The following ANO4 variants were observed in gnomAD, a reference collection of about 807,000 sequenced individuals.
ANO4 encodes the protein anoctamin-4.
ANO4 carries 69 observed loss-of-function variants against 141.9 expected under a neutral mutation model. That is an observed-to-expected ratio of 0.49 (90% CI 0.40 to 0.59). ANO4 has a LOEUF of 0.59. Ranked by LOEUF, ANO4 falls within the 20% of genes least tolerant of loss-of-function variation. The probability of loss-of-function intolerance (pLI) is 0.00; values close to 1 mark genes in which losing one functional copy is unlikely to be tolerated. For missense variants in ANO4, 894 were observed against 1,162.2 expected (o/e 0.77, Z 3.36); for synonymous variants, 350 against 394.3 (o/e 0.89, Z 1.33).
chr12:101,085,011 A>G (rs982142697), intron 16 of ANO4, among the ~76,000 whole-genome samples: 1 of 152,204 alleles, frequency 6.6e-6, no homozygotes, highest in African/African-American at 2.4e-5. Context: ...ACAGCACTAC[A>G]ATTAAGATCT....
chr12:101,100,169 TG>T (rs1384543556), intron 22 of ANO4, among the ~76,000 whole-genome samples: 1 of 152,216 alleles, frequency 6.6e-6, no homozygotes, highest in Non-Finnish European at 1.5e-5. Context: ...ACTTGGTACA[TG>T]TTACTTATAT....
chr12:100,959,965 G>A (rs189509587), intron 5 of ANO4, among the ~76,000 whole-genome samples: 18 of 152,236 alleles, frequency 1.2e-4, no homozygotes, highest in Admixed American at 1.2e-3. Flanking sequence ...GGCAGAAGTG[G>A]AGGAGGAGGA....
intron 1 of ANO4, among the ~76,000 whole-genome samples, chr12:100,819,942 G>A (rs909616735): frequency 1.3e-5 from 2 of 151,862 alleles, no homozygotes; most frequent in African/African-American, 4.8e-5. Flanking sequence ...AAGTTCCTTA[G>A]TTGTTGGGGC....
intron 1 of ANO4, among the ~76,000 whole-genome samples, chr12:100,896,658 A>G (rs1191392757): frequency 6.6e-6 from 1 of 152,194 alleles, no homozygotes; most frequent in Non-Finnish European, 1.5e-5. Context: ...TAATATACCC[A>G]CCTTTGGGAA....
intron 7 of ANO4, among the ~76,000 whole-genome samples, chr12:100,982,446 G>T (rs2044510001): frequency 6.6e-6 from 1 of 152,180 alleles, no homozygotes; most frequent in Admixed American, 6.5e-5. Context: ...ACTATTTAGG[G>T]ATGTTTATTA....
intron 9 of ANO4, among the ~76,000 whole-genome samples, chr12:101,034,407 A>G (rs761069055): frequency 6.6e-6 from 1 of 152,186 alleles, no homozygotes; most frequent in Non-Finnish European, 1.5e-5. Context: ...CAAACACTGC[A>G]TGCCCTCACT....
At chr12:101,042,752 T>C (rs1315509799) in intron 12 of ANO4, among the ~76,000 whole-genome samples, 1 of 151,828 alleles carries the variant, frequency 6.6e-6, no homozygotes, top group Non-Finnish European at 1.5e-5. Flanking sequence ...AAGTGCTCTC[T>C]TTTTTTACTT....
chr12:100,725,575 T>C (rs1424056502), intron 1 of ANO4, among the ~76,000 whole-genome samples: 7 of 152,078 alleles, frequency 4.6e-5, no homozygotes, highest in Non-Finnish European at 1.0e-4. Flanking sequence ...CTCAATCTCC[T>C]GACCTTGTGA....
rs749213271 is a variant in ANO4 at position 101,083,813 on chromosome 12, T to C, written c.1531T>C (p.Phe511Leu). Residue 511 changes from phenylalanine (F) to leucine (L), a missense_variant, in exon 16 of 28, where the codon TTT becomes CTT. Coordinates refer to ENST00000392977, the MANE Select transcript of ANO4 (RefSeq NM_001286615.2). ...RLIVSASGIF[F>L]MICVVIAAVF... Reference sequence around the variant, plus strand: ...TATCGTTTCTGCATCTGGAATATTTTTTATGGTTTGAAACTTTTAAAAAAA... The same window carrying C: ...TATCGTTTCTGCATCTGGAATATTTCTTATGGTTTGAAACTTTTAAAAAAA... The C allele has an allele frequency of 9.0e-6, 14 of 1,560,282 alleles. No individual in the cohort carries two copies. The South Asian group carries it at 1.7e-4, about 19-fold the overall frequency.
At chr12:101,115,374 GCC>G (rs1763954039) in intron 24 of ANO4, among the ~76,000 whole-genome samples, 1 of 152,026 alleles carries the variant, frequency 6.6e-6, no homozygotes, top group South Asian at 2.1e-4. Context: ...GATCGTTTGA[GCC>G]TGGGAGGTCA....
intron 1 of ANO4, among the ~76,000 whole-genome samples, chr12:100,890,018 T>G (rs1244876911): frequency 6.6e-6 from 1 of 152,186 alleles, no homozygotes; most frequent in Non-Finnish European, 1.5e-5. Context: ...TTAACAGTTA[T>G]TTTTCTAGTT....
At position 100,939,184 on chromosome 12, in the gene ANO4, A is replaced by G. The variant is rs969183867; in HGVS notation, c.161-131A>G. 4.4e-6 allele frequency: 4 copies of G among 914,036 alleles called. No individual in the cohort carries two copies. In the South Asian group the frequency reaches 6.4e-5, roughly 15 times the overall value. The allele number at this position is 914,036 out of a possible 1,614,324, so 56.6% of individuals were successfully genotyped here. ...ACATACTTTTCTTTTAGGAAATAAT[A>G]TGCTTGTCACTCAAGGAGTTAATGA... On this transcript the variant is annotated intron_variant, in intron 3 of 27. Coordinates refer to ENST00000392977, the MANE Select transcript of ANO4 (RefSeq NM_001286615.2).
At chr12:101,109,292 G>A (rs992018234) in intron 22 of ANO4, among the ~76,000 whole-genome samples, 2 of 152,164 alleles carry the variant, frequency 1.3e-5, no homozygotes, top group Non-Finnish European at 2.9e-5. Context: ...GCTGGGCACG[G>A]TGACTCACAC....
intron 1 of ANO4, among the ~76,000 whole-genome samples, chr12:100,725,335 ATTGGTATCTTTTTT>A (rs1275868812): frequency 6.9e-6 from 1 of 145,400 alleles, no homozygotes; most frequent in African/African-American, 2.5e-5. Flanking sequence ...TGTCAGGGAA[ATTGGTATCTTTTTT>A]TTTTTTTTTT....
In ANO4 at chr12:100,992,509, C is replaced by A. The variant is rs140543800; in HGVS notation, c.734+4839C>A. ...ATCCTCCAGAACTCAGCTCCAAAGA[C>A]TCCTGCTATGGAAGCCTCCCCTGAC... On this transcript the variant is annotated intron_variant, in intron 8 of 27. Coordinates refer to ENST00000392977, the MANE Select transcript of ANO4 (RefSeq NM_001286615.2). Among the ~76,000 whole-genome samples the A allele has an allele frequency of 1.8e-4, 27 of 152,324 alleles. No individual in the cohort carries two copies. In the East Asian group the frequency reaches 4.0e-3, roughly 23 times the overall value.
chr12:101,024,677 G>C (rs1422254754), intron 9 of ANO4, among the ~76,000 whole-genome samples: 2 of 152,034 alleles, frequency 1.3e-5, no homozygotes. Context: ...ATGTTTGAAA[G>C]TTATTGATGA....
At chr12:101,125,518 G>A (rs1024170586) in intron 26 of ANO4, among the ~76,000 whole-genome samples, 3 of 152,130 alleles carry the variant, frequency 2.0e-5, no homozygotes, top group Non-Finnish European at 4.4e-5. Flanking sequence ...AAAAGGAGTG[G>A]TAAGAGAGGG....
At chr12:101,025,334 T>C (rs1255057953) in intron 9 of ANO4, among the ~76,000 whole-genome samples, 2 of 152,106 alleles carry the variant, frequency 1.3e-5, no homozygotes, top group Non-Finnish European at 2.9e-5. Context: ...CCATGAAAAG[T>C]GAGAATGTAG....
Position 101,110,415 on chromosome 12 carries a change from G to T in ANO4, c.2161G>T (p.Gly721Ter). 1 of 1,604,756 alleles carries T rather than the reference G, an allele frequency of 6.2e-7. No homozygotes were observed. Residue 721 changes from glycine to a stop codon, truncating the protein, a stop_gained, in exon 23 of 28, where the codon GGA (glycine) becomes TGA (stop). Coordinates refer to ENST00000392977, the MANE Select transcript of ANO4 (RefSeq NM_001286615.2). LOFTEE classifies it high-confidence loss of function. ...DEYLEMILQFGFTTIFVAAFP... is the reference protein window; with the variant it reads ...DEYLEMILQF The stretch of plus-strand genomic sequence containing the variant: ...TTTTTCTTTTCTAGTTCTTCAGTTT[G>T]GATTCACAACTATCTTTGTGGCAGC...
Sources: gnomAD v4.1 joint callset for allele counts (sites outside exome capture counted in the v4.1 genomes callset) on GRCh38, gnomAD v4.1.1 for gene constraint, MANE v1.5 for transcripts, NCBI Gene and HGNC (gene_info 2026-07-23, HGNC 2026-07-21) for gene names.